The following MCU variants were observed in gnomAD, a reference collection of about 807,000 sequenced individuals.
MCU encodes mitochondrial calcium uniporter, also known as calcium uniporter protein, mitochondrial.
In MCU, 12 loss-of-function variants were observed where a neutral mutation model predicts 45.2. The observed-to-expected ratio is 0.27, with a 90% CI of 0.17 to 0.43. MCU has a LOEUF of 0.43. Ranked by LOEUF, MCU falls within the 20% of genes least tolerant of loss-of-function variation. MCU has a pLI of 1.00. For synonymous variants in MCU, 160 were observed against 165.1 expected (o/e 0.97, Z 0.24); for missense variants, 324 against 436.7 (o/e 0.74, Z 2.30).
intron 1 of MCU, among the ~76,000 whole-genome samples, chr10:72,753,208 G>A (rs1304033051): frequency 6.6e-6 from 1 of 152,104 alleles, no homozygotes; most frequent in Non-Finnish European, 1.5e-5. Flanking sequence ...AAAGTGATCT[G>A]TGAGCATGAT....
chr10:72,856,265 G>A (rs1413370161), intron 2 of MCU, among the ~76,000 whole-genome samples: 6 of 152,204 alleles, frequency 3.9e-5, no homozygotes, highest in Non-Finnish European at 4.4e-5. Flanking sequence ...ATGGGGATCA[G>A]AGAATTTGGG....
At position 72,884,248 on chromosome 10, in the gene MCU, G is replaced by A. The variant is rs758425420; in HGVS notation, c.862-18G>A. On this transcript the variant is annotated intron_variant, in intron 6 of 7. Coordinates refer to ENST00000373053, the MANE Select transcript of MCU (RefSeq NM_138357.3). ...TAGTATGCTAAGGACTGATAATTCC[G>A]TTTCTTCATTTTTTTAGGAATATGT... 1.3e-5 allele frequency: 18 copies of A among 1,434,406 alleles called. 1 individual carries two copies. Among genetic ancestry groups the A allele is most frequent in the South Asian group, 6.9e-5 (6 of 87,082 alleles). The allele number at this position is 1,434,406 out of a possible 1,614,324, so 88.9% of individuals were successfully genotyped here.
intron 1 of MCU, among the ~76,000 whole-genome samples, chr10:72,829,077 T>C (rs902345493): frequency 6.6e-6 from 1 of 152,190 alleles, no homozygotes; most frequent in African/African-American, 2.4e-5. Flanking sequence ...TCCCAGCACT[T>C]TGGGAGGCCA....
chr10:72,818,923 A>G (rs935170389), intron 1 of MCU, among the ~76,000 whole-genome samples: 1 of 152,154 alleles, frequency 6.6e-6, no homozygotes, highest in Non-Finnish European at 1.5e-5. Flanking sequence ...TGGCAAATAC[A>G]AGTTACTTCT....
chr10:72,806,434 A>G (rs1844452396), intron 1 of MCU, among the ~76,000 whole-genome samples: 1 of 152,172 alleles, frequency 6.6e-6, no homozygotes, highest in Non-Finnish European at 1.5e-5. Flanking sequence ...TGCTGGAATT[A>G]CAGGCGTGAG....
At chr10:72,883,378 T>C (rs1447373576) in intron 6 of MCU, among the ~76,000 whole-genome samples, 1 of 152,256 alleles carries the variant, frequency 6.6e-6, no homozygotes, top group Non-Finnish European at 1.5e-5. Flanking sequence ...ATGTGAATTA[T>C]ATCTCAATAA....
chr10:72,877,797 C>G (rs1845638805), intron 6 of MCU, among the ~76,000 whole-genome samples: 2 of 152,098 alleles, frequency 1.3e-5, no homozygotes, highest in Admixed American at 6.6e-5. Context: ...ACTTGTTAGC[C>G]TAGAGGAACC....
At chr10:72,779,481 G>A (rs1273248862) in intron 1 of MCU, among the ~76,000 whole-genome samples, 1 of 152,114 alleles carries the variant, frequency 6.6e-6, no homozygotes, top group African/African-American at 2.4e-5. Flanking sequence ...TACCATTAAG[G>A]AAGTAAAAAA....
chr10:72,757,990 A>G (rs1843602958), intron 1 of MCU, among the ~76,000 whole-genome samples: 3 of 152,240 alleles, frequency 2.0e-5, no homozygotes, highest in African/African-American at 7.2e-5. Context: ...GACAAGACAA[A>G]GAAAAGCAGG....
chr10:72,711,366 G>A (rs1268604397), intron 1 of MCU, among the ~76,000 whole-genome samples: 4 of 151,748 alleles, frequency 2.6e-5, no homozygotes, highest in African/African-American at 7.2e-5. Flanking sequence ...GACCATAGGC[G>A]TGTGCCACCA....
At chr10:72,765,927 C>T (rs949492544) in intron 1 of MCU, among the ~76,000 whole-genome samples, 3 of 151,516 alleles carry the variant, frequency 2.0e-5, no homozygotes, top group Admixed American at 6.6e-5. Context: ...AGTGCAATGG[C>T]GAGATCATAA....
At chr10:72,794,090 A>G (rs966152219) in intron 1 of MCU, among the ~76,000 whole-genome samples, 1 of 152,172 alleles carries the variant, frequency 6.6e-6, no homozygotes, top group Non-Finnish European at 1.5e-5. Context: ...ATCCCATTCT[A>G]GCAGGTGTTG....
At chr10:72,865,991 A>G (rs1233814575) in intron 4 of MCU, among the ~76,000 whole-genome samples, 1 of 150,232 alleles carries the variant, frequency 6.7e-6, no homozygotes, top group East Asian at 1.9e-4. Context: ...GTTAGCCAGA[A>G]TGGTCTTGAT....
intron 1 of MCU, among the ~76,000 whole-genome samples, chr10:72,735,448 G>C (rs1018207224): frequency 6.6e-6 from 1 of 152,142 alleles, no homozygotes; most frequent in South Asian, 2.1e-4. Context: ...GGTTTCACTT[G>C]ACAGCATGTT....
intron 1 of MCU, among the ~76,000 whole-genome samples, chr10:72,696,186 T>A (rs2921450): frequency 1.4e-4 from 14 of 98,076 alleles, no homozygotes; most frequent in East Asian, 5.2e-4. Flanking sequence ...AAAAAAAAAA[T>A]TTTTTTTTTT....
chr10:72,866,582 A>AGTTGGGGTTTCATCAT (rs1845460501), intron 4 of MCU, among the ~76,000 whole-genome samples: 1 of 151,964 alleles, frequency 6.6e-6, no homozygotes, highest in African/African-American at 2.4e-5. Flanking sequence ...TTTTTAGTAG[A>AGTTGGGGTTTCATCAT]GTTGGGGTTT....
At chr10:72,751,341 C>CTTCTTTTTTTTTTTTTTTTTTTTTTTTTT (rs1474252109) in intron 1 of MCU, among the ~76,000 whole-genome samples, 4 of 44,744 alleles carry the variant, frequency 8.9e-5, no homozygotes, top group African/African-American at 3.4e-4. Flanking sequence ...TCTTCTTCTT[C>CTTCTTTTTTTTTTTTTTTTTTTTTTTTTT]TTTTTTTTTT....
intron 1 of MCU, among the ~76,000 whole-genome samples, chr10:72,778,995 G>A (rs564552019): frequency 1.3e-5 from 2 of 152,124 alleles, no homozygotes; most frequent in South Asian, 4.2e-4. Context: ...TTTGGAGATG[G>A]AGTCTCACTC....
intron 1 of MCU, among the ~76,000 whole-genome samples, chr10:72,813,337 C>T (rs147618797): frequency 6.6e-5 from 10 of 151,522 alleles, no homozygotes; most frequent in East Asian, 3.9e-4. Context: ...GAGCTGTAAA[C>T]GACTCTGAAG....
Sources: allele counts gnomAD v4.1 joint callset (sites outside exome capture counted in the v4.1 genomes callset), GRCh38; gene constraint gnomAD v4.1.1; transcripts MANE v1.5; gene names NCBI Gene and HGNC (gene_info 2026-07-23, HGNC 2026-07-21).